The following PPP1R9A variants were observed in gnomAD, a reference collection of about 807,000 sequenced individuals.
The protein encoded by PPP1R9A is neurabin-1.
PPP1R9A carries 59 observed loss-of-function variants against 141.9 expected under a neutral mutation model. The ratio of observed to expected loss-of-function variants is 0.42; its 90% confidence interval spans 0.34 to 0.52. PPP1R9A has a LOEUF of 0.52. Among genes scored for constraint, PPP1R9A ranks in the 20% least tolerant of loss-of-function variants. PPP1R9A has a pLI of 0.10. For missense variants in PPP1R9A, 1,444 were observed against 1,611.9 expected (o/e 0.90, Z 1.78); for synonymous variants, 500 against 569.7 (o/e 0.88, Z 1.74).
intron 2 of PPP1R9A, among the ~76,000 whole-genome samples, chr7:95,037,720 C>T (rs757167349): frequency 3.9e-5 from 6 of 152,048 alleles, no homozygotes; most frequent in South Asian, 4.2e-4. Flanking sequence ...TGTGTGTGTG[C>T]GTGCACACAC....
chr7:94,936,439 A>T lies in PPP1R9A; in HGVS notation c.1395+24931A>T, dbSNP rs984235925. Among the ~76,000 whole-genome samples the T allele has an allele frequency of 2.0e-5, 3 of 152,192 alleles. No individual in the cohort carries two copies. In the East Asian group the frequency reaches 5.8e-4, roughly 29 times the overall value. On this transcript the variant is annotated intron_variant, in intron 2 of 19. Transcript: ENST00000433360. ...TTAGCAATACTGGAGGTCCAGGGAT[A>T]AAGGACATCTCTGTTTTCATCTTAC...
At chr7:95,108,420 C>T (rs796541798) in intron 2 of PPP1R9A, among the ~76,000 whole-genome samples, 11 of 144,130 alleles carry the variant, frequency 7.6e-5, no homozygotes, top group African/African-American at 2.9e-4. Context: ...ATGCCATTCT[C>T]CTGCTTCAGC....
chr7:94,962,324 G>C (rs1011143345), intron 2 of PPP1R9A, among the ~76,000 whole-genome samples: 3 of 151,534 alleles, frequency 2.0e-5, no homozygotes, highest in Admixed American at 6.6e-5. Context: ...GCTGTTCTTA[G>C]GTTTTTAAAG....
chr7:95,222,009 G>C (rs1041658090), intron 7 of PPP1R9A, among the ~76,000 whole-genome samples: 2 of 152,020 alleles, frequency 1.3e-5, no homozygotes, highest in Admixed American at 1.3e-4. Context: ...ATTCCTCTCT[G>C]TATTGCAATT....
Position 95,284,290 on chromosome 7 carries a change from A to C in PPP1R9A, c.3569A>C (p.His1190Pro). Reference sequence around the variant, plus strand: ...TCCTCTTCTTCAATCTTTGGAAGGCATTCTCAACTTATGTCTGTAGTCTGG... The same window carrying C: ...TCCTCTTCTTCAATCTTTGGAAGGCCTTCTCAACTTATGTCTGTAGTCTGG... The part of the protein sequence containing the change: ...NPSSSSIFGR[H>P]SQLMSVVWIQ... The change falls in exon 17 of 20, where the codon CAT (histidine) becomes CCT (proline). Residue 1190 changes from histidine to proline, a missense_variant. This residue lies in a region of PPP1R9A where 459 missense variants were observed against 513.8 expected (regional missense o/e 0.89). Transcript: ENST00000433360. The C allele has an allele frequency of 1.9e-6, 3 of 1,556,634 alleles. No individual in the cohort carries two copies. The highest frequency in any genetic ancestry group is 2.6e-6 in the Non-Finnish European group (3 of 1,146,624).
At chr7:95,071,620 G>A (rs1481071655) in intron 2 of PPP1R9A, among the ~76,000 whole-genome samples, 1 of 151,556 alleles carries the variant, frequency 6.6e-6, no homozygotes, top group East Asian at 1.9e-4. Context: ...GCTATCTGGG[G>A]TCATTTTGAA....
chr7:95,009,579 A>G (rs1804122235), intron 2 of PPP1R9A, among the ~76,000 whole-genome samples: 1 of 152,178 alleles, frequency 6.6e-6, no homozygotes, highest in African/African-American at 2.4e-5. Context: ...CTGGACCCTT[A>G]CAAGTGCTCC....
At position 95,108,307 on chromosome 7, in the gene PPP1R9A, C is replaced by CTTTTTTTTTTTTTTTTTTTTTT. The variant is rs1166103728; in HGVS notation, c.1396-2947_1396-2926dup. On this transcript the variant is annotated intron_variant, in intron 2 of 19. Transcript: ENST00000433360. ...TTTTCTTTTCTTTTTCGTTTCTTTT[C>CTTTTTTTTTTTTTTTTTTTTTT]TTTTTTTTTTTTTTTTTTTTTTTTT... 1.8e-4 allele frequency among the ~76,000 whole-genome samples: 11 copies of CTTTTTTTTTTTTTTTTTTTTTT among 59,596 alleles called. 1 individual carries two copies. Among genetic ancestry groups the CTTTTTTTTTTTTTTTTTTTTTT allele is most frequent in the South Asian group, 6.3e-4 (1 of 1,584 alleles). 39.1% of individuals were successfully genotyped at this position (59,596 alleles called of 152,430 possible).
At chr7:95,275,477 A>G (rs1802997684) in intron 16 of PPP1R9A, among the ~76,000 whole-genome samples, 1 of 151,904 alleles carries the variant, frequency 6.6e-6, no homozygotes, top group Non-Finnish European at 1.5e-5. Flanking sequence ...CTTTACCTTC[A>G]TAGAATTTAA....
chr7:95,079,976 A>G (rs1273881994), intron 2 of PPP1R9A, among the ~76,000 whole-genome samples: 4 of 152,070 alleles, frequency 2.6e-5, no homozygotes, highest in African/African-American at 7.2e-5. Context: ...CCCACAGCCA[A>G]TATCATACTG....
intron 2 of PPP1R9A, among the ~76,000 whole-genome samples, chr7:95,084,672 G>A (rs914011443): frequency 4.6e-5 from 7 of 151,830 alleles, no homozygotes. Flanking sequence ...TGTTATAAAT[G>A]GTGTCAGATA....
intron 2 of PPP1R9A, among the ~76,000 whole-genome samples, chr7:95,047,862 G>A (rs1193767305): frequency 6.6e-6 from 1 of 152,174 alleles, no homozygotes; most frequent in Non-Finnish European, 1.5e-5. Flanking sequence ...TTACAAAAAT[G>A]TATGCTGTAG....
At chr7:95,155,008 G>A (rs185330595) in intron 4 of PPP1R9A, 20 of 152,072 alleles carry the variant, frequency 1.3e-4, no homozygotes, top group African/African-American at 4.1e-4. Context: ...ATTAATGCAT[G>A]CATGGGGATT....
chr7:95,063,814 C>T (rs1043902805), intron 2 of PPP1R9A, among the ~76,000 whole-genome samples: 8 of 152,126 alleles, frequency 5.3e-5, no homozygotes, highest in South Asian at 2.1e-4. Context: ...GAGTCTGAGA[C>T]GTATTCATAA....
chr7:95,066,497 A>C (rs1376462601), intron 2 of PPP1R9A, among the ~76,000 whole-genome samples: 1 of 152,318 alleles, frequency 6.6e-6, no homozygotes, highest in Middle Eastern at 3.4e-3. Flanking sequence ...AGGAGAAGTA[A>C]ACTTTAAAAA....
chr7:94,950,767 G>A (rs1796379974), intron 2 of PPP1R9A, among the ~76,000 whole-genome samples: 1 of 151,992 alleles, frequency 6.6e-6, no homozygotes, highest in South Asian at 2.1e-4. Flanking sequence ...TTTTTTCTGA[G>A]ACAAGGTCTC....
At chr7:95,166,920 T>A (rs757915647) in intron 5 of PPP1R9A, among the ~76,000 whole-genome samples, 2 of 152,158 alleles carry the variant, frequency 1.3e-5, no homozygotes, top group Non-Finnish European at 2.9e-5. Flanking sequence ...AACCATATGA[T>A]CATCTCAGTA....
intron 2 of PPP1R9A, among the ~76,000 whole-genome samples, chr7:95,050,611 C>T (rs1011522930): frequency 2.6e-5 from 4 of 152,092 alleles, no homozygotes; most frequent in South Asian, 2.1e-4. Flanking sequence ...CCTGTAATTC[C>T]AGCTACATGG....
chr7:95,000,223 C>T (rs1191261586), intron 2 of PPP1R9A, among the ~76,000 whole-genome samples: 1 of 152,142 alleles, frequency 6.6e-6, no homozygotes, highest in East Asian at 1.9e-4. Flanking sequence ...ATGCTTCATA[C>T]ATGATATAGG....
Sources: gnomAD v4.1 joint callset for allele counts (sites outside exome capture counted in the v4.1 genomes callset) on GRCh38, gnomAD v4.1.1 for gene constraint, gnomAD v4.1.1 regional missense constraint, MANE v1.5 for transcripts, NCBI Gene and HGNC (gene_info 2026-07-23, HGNC 2026-07-21) for gene names.